The following DYDC2 variants were observed in gnomAD, a reference collection of about 807,000 sequenced individuals.
DYDC2 encodes DPY30 domain containing 2.
DYDC2 carries 19 observed loss-of-function variants against 18.7 expected under a neutral mutation model. The observed-to-expected ratio is 1.02, with a 90% confidence interval of 0.71 to 1.49. DYDC2 has a LOEUF of 1.49. DYDC2 is among the 40% of genes most tolerant of loss of function. The pLI, the probability that DYDC2 is intolerant of heterozygous loss-of-function variation, is 0.00. For missense variants in DYDC2, 179 were observed against 205.1 expected (o/e 0.87, Z 0.78); for synonymous variants, 63 against 67.6 (o/e 0.93, Z 0.34).
chr10:80,358,109 G>A (rs982994004), intron 2 of DYDC2, 64 bp downstream of exon 2: 14 of 966,406 alleles, frequency 1.4e-5, no homozygotes, highest in African/African-American at 1.8e-5. Flanking sequence ...AGGCGCGGTG[G>A]CTCACCGCCT....
intron 1 of DYDC2, among the ~76,000 whole-genome samples, chr10:80,347,707 AC>A (rs1192002181): frequency 6.6e-6 from 1 of 152,096 alleles, no homozygotes. Context: ...CATTGAAGAG[AC>A]TATCCTTTTC....
chr10:80,357,820 TGG>T (rs1340899722), intron 1 of DYDC2, 71 bp from the exon 2 acceptor site: 1 of 985,324 alleles, frequency 1.0e-6, no homozygotes, highest in Admixed American at 6.2e-5. Flanking sequence ...AGATTGGGCG[TGG>T]AAAAATCAAA....
chr10:80,352,038 T>C (rs1843021018), upstream of DYDC2: 2 of 1,599,350 alleles, frequency 1.3e-6, no homozygotes, highest in South Asian at 1.1e-5. Context: ...CACGACTTCT[T>C]AGCGAGAAAG....
chr10:80,356,276 T>G (rs2132867596), upstream of DYDC2: 1 of 985,486 alleles, frequency 1.0e-6, no homozygotes, highest in African/African-American at 1.7e-5. Flanking sequence ...TGGCTCAACA[T>G]AAGAAAGCCC....
rs1047951 is a variant in DYDC2, at chr10:80,366,844, G to A, written c.427G>A (p.Gly143Ser). 0.03 allele frequency: 48,039 copies of A among 1,614,132 alleles called. 893 individuals carry two copies. The highest frequency in any genetic ancestry group is 0.039 in the Middle Eastern group (238 of 6,062). ...ACAGGTTCCTCCTTCAGAGTCTGCTGGCCAGATTGACCAGAACTTCAAAAT... is the reference window on the plus strand; with the variant it reads ...ACAGGTTCCTCCTTCAGAGTCTGCTAGCCAGATTGACCAGAACTTCAAAAT... ...PQQVPPSESAGQIDQNFKMPQ... is the reference protein window; with the variant it reads ...PQQVPPSESASQIDQNFKMPQ... Residue 143 changes from glycine to serine, a missense_variant, in exon 5 of 5, where the codon GGC (glycine) becomes AGC (serine). Physicochemically the swap from Gly to Ser is moderately conservative, Grantham distance 56 (BLOSUM62 0). Coordinates refer to ENST00000256039, the MANE Select transcript of DYDC2 (RefSeq NM_032372.6).
rs777203183 is a variant in DYDC2 at position 80,366,934 on chromosome 10, T to C, written c.517T>C (p.Ser173Pro). Residue 173 changes from serine to proline, a missense_variant, in exon 5 of 5, where the codon TCC becomes CCC. Transcript: ENST00000256039. The part of the protein sequence containing the change: ...HEVAHEMPPG[S>P]KSPF The stretch of plus-strand genomic sequence containing the variant: ...AGTTGCTCATGAAATGCCTCCTGGC[T>C]CCAAATCTCCTTTTTAGGTTACAGA... The C allele has an allele frequency of 2.5e-6, 4 of 1,612,908 alleles. No individual in the cohort carries two copies. The African/African-American group carries it at 5.3e-5, about 22-fold the overall frequency.
Position 80,366,720 on chromosome 10 carries a change from G to T in DYDC2, c.303G>T (p.Lys101Asn). ...ELTSETVSTKKTIFMQEDTNP... is the reference protein window; with the variant it reads ...ELTSETVSTKNTIFMQEDTNP... ...CTTCTGAAACTGTTTCCACGAAGAA[G>T]ACCATATTCATGCAGGAGGACACAA... Residue 101 changes from lysine (K) to asparagine (N), a missense_variant, in exon 5 of 5, where the codon AAG becomes AAT. Coordinates refer to ENST00000256039, the MANE Select transcript of DYDC2 (RefSeq NM_032372.6). 6.2e-7 allele frequency: 1 copy of T among 1,611,320 alleles called. No homozygotes were observed. Among genetic ancestry groups the T allele is most frequent in the Non-Finnish European group, 8.5e-7 (1 of 1,178,840 alleles).
rs540539576 is a variant in DYDC2, at chr10:80,362,783, A to G, written c.148-168A>G. Among the ~76,000 whole-genome samples the G allele has an allele frequency of 3.0e-4, 46 of 152,260 alleles. 1 individual carries two copies. The South Asian group carries it at 3.7e-3, about 12-fold the overall frequency. On this transcript the variant is annotated intron_variant, in intron 3 of 4. Coordinates refer to ENST00000256039, the MANE Select transcript of DYDC2 (RefSeq NM_032372.6). ...GAGGAGTGGAGCTTCAACTCAGACG[A>G]GCTGTGGAGTTGAAGGGTTTGTAAC... is the stretch of plus-strand genomic sequence containing the variant.
At chr10:80,366,627 A>G (rs1391730312) in intron 4 of DYDC2, 61 bp from the exon 5 acceptor site, 6 of 1,525,860 alleles carry the variant, frequency 3.9e-6, no homozygotes, top group African/African-American at 1.4e-5. Context: ...TGTTTTTGCC[A>G]TACATCTTGT....
chr10:80,358,584 C>G (rs553079235), intron 2 of DYDC2, among the ~76,000 whole-genome samples: 1 of 152,154 alleles, frequency 6.6e-6, no homozygotes, highest in Non-Finnish European at 1.5e-5. Flanking sequence ...GTGGCAGCCA[C>G]CCCCTGACTA....
At chr10:80,356,523 C>A, upstream of DYDC2, 1 of 985,524 alleles carries the variant, frequency 1.0e-6, no homozygotes, top group Non-Finnish European at 1.2e-6. Flanking sequence ...CAGCGCTCCC[C>A]GCTCAGGGGG....
At chr10:80,359,964 G>A (rs894586286) in intron 2 of DYDC2, among the ~76,000 whole-genome samples, 1 of 152,240 alleles carries the variant, frequency 6.6e-6, no homozygotes, top group African/African-American at 2.4e-5. Context: ...GGCTCCTCAA[G>A]CATGGCCAGA....
rs1257948324 is a variant in DYDC2, at chr10:80,356,832, A to G, written c.-163+7A>G. On this transcript the variant is annotated splice_region_variant and intron_variant, in intron 1 of 4. Transcript: ENST00000256039. ...GGAAGGGGCGCGCGGATAGGTGAGCAGAGGGCACGCGGTGGGCAGCGAAGG... is the reference window on the plus strand; with the variant it reads ...GGAAGGGGCGCGCGGATAGGTGAGCGGAGGGCACGCGGTGGGCAGCGAAGG... 1.0e-6 allele frequency: 1 copy of G among 984,878 alleles called. No individual in the cohort carries two copies. Among genetic ancestry groups the G allele is most frequent in the Non-Finnish European group, 1.2e-6 (1 of 830,126 alleles). 61.0% of individuals were successfully genotyped at this position (984,878 alleles called of 1,614,324 possible). A position where few individuals can be genotyped will look rare whatever the true frequency, so the allele number is the denominator to read the frequency against.
intron 4 of DYDC2, among the ~76,000 whole-genome samples, chr10:80,366,294 G>A (rs575003526): frequency 3.3e-5 from 5 of 152,216 alleles, no homozygotes; most frequent in African/African-American, 1.2e-4. Flanking sequence ...GCCTCCCAAA[G>A]TGCTGGGATT....
chr10:80,352,003 C>G (rs1012251335), upstream of DYDC2: 18 of 1,613,512 alleles, frequency 1.1e-5, no homozygotes, highest in Non-Finnish European at 1.5e-5. Flanking sequence ...CCTTTTGTCT[C>G]TAGCATTGTT....
At chr10:80,365,541 A>C (rs1843801784) in intron 4 of DYDC2, among the ~76,000 whole-genome samples, 1 of 152,254 alleles carries the variant, frequency 6.6e-6, no homozygotes, top group Admixed American at 6.5e-5. Context: ...AGGGTCTCAG[A>C]GACCATGTGG....
intron 4 of DYDC2, 105 bp from the exon 5 acceptor site, chr10:80,366,583 G>A: frequency 7.3e-7 from 1 of 1,372,636 alleles, no homozygotes; most frequent in Non-Finnish European, 9.9e-7. Context: ...TTTCAGTTTG[G>A]TTCTTAGTCT....
chr10:80,363,689 T>G (rs1176197032), intron 4 of DYDC2, among the ~76,000 whole-genome samples: 1 of 152,164 alleles, frequency 6.6e-6, no homozygotes, highest in Non-Finnish European at 1.5e-5. Flanking sequence ...TTGGAACAAA[T>G]ATTTTTTCAT....
rs191519578 is a variant in DYDC2 at position 80,358,611 on chromosome 10, T to C, written c.-10+566T>C. On this transcript the variant is annotated intron_variant, in intron 2 of 4. Transcript: ENST00000256039. Reference sequence around the variant, plus strand: ...CCCTGACTAGAGAATGCAGAGTTGGTGATTCTGCCTTCGGGGAAGGACAGT... The same window carrying C: ...CCCTGACTAGAGAATGCAGAGTTGGCGATTCTGCCTTCGGGGAAGGACAGT... Among the ~76,000 whole-genome samples, 779 of 152,322 alleles carry C rather than the reference T, an allele frequency of 5.1e-3. 4 individuals carry two copies. Among genetic ancestry groups the C allele is most frequent in the African/African-American group, 0.018 (738 of 41,566 alleles).
Sources: gnomAD v4.1 joint callset for allele counts (sites outside exome capture counted in the v4.1 genomes callset) on GRCh38, gnomAD v4.1.1 for gene constraint, MANE v1.5 for transcripts, NCBI Gene and HGNC (gene_info 2026-07-23, HGNC 2026-07-21) for gene names.